Variants in KDM4B observed in about 807,000 individuals in gnomAD.
KDM4B encodes the protein lysine demethylase 4B.
Under a neutral mutation model 125.2 loss-of-function variants are expected in KDM4B, and 32 were observed. The observed-to-expected ratio is 0.26, with a 90% CI of 0.19 to 0.34. The LOEUF is 0.34. KDM4B is among the 10% of genes least tolerant of loss of function. KDM4B has a pLI of 1.00. For synonymous variants in KDM4B, 721 were observed against 677.9 expected, an observed-to-expected ratio of 1.06 and a Z score of -0.99; for missense variants, 1,190 against 1,577.7, an observed-to-expected ratio of 0.75 and a Z score of 4.16.
chr19:5,110,145 T>C (rs1246024240), intron 9 of KDM4B, among the ~76,000 whole-genome samples: 1 of 152,182 alleles, frequency 6.6e-6, no homozygotes, highest in Non-Finnish European at 1.5e-5. Flanking sequence ...GACTCACAAC[T>C]GGGGGATGCC....
chr19:5,106,000 C>G (rs1437128215), intron 9 of KDM4B, among the ~76,000 whole-genome samples: 2 of 152,248 alleles, frequency 1.3e-5, no homozygotes, highest in African/African-American at 4.8e-5. Flanking sequence ...AGTGTTTACT[C>G]CTACAATTGA....
At position 5,144,399 on chromosome 19, in the gene KDM4B, CTGAGAG is replaced by C. The variant is rs1261984299; in HGVS notation, c.2889_2894del (p.Glu964_Ser965del). 1.3e-6 allele frequency: 2 copies of C among 1,547,380 alleles called. No homozygotes were observed. Among genetic ancestry groups the C allele is most frequent in the Non-Finnish European group, 1.8e-6 (2 of 1,140,532 alleles). ...GGCTCCTACAGCGACAACCTGTACC[CTGAGAG>C]CATCACGGTGAGCTGTGGGGTGGGG... is the stretch of plus-strand genomic sequence containing the variant. On this transcript the variant is annotated inframe_deletion, in exon 20 of 23. Transcript: ENST00000159111.
At chr19:5,080,235 T>C (rs1402802870) in intron 8 of KDM4B, among the ~76,000 whole-genome samples, 6 of 152,280 alleles carry the variant, frequency 3.9e-5, no homozygotes, top group Non-Finnish European at 7.3e-5. Context: ...TCAGTTTTGA[T>C]TGATGTCTGA....
intron 1 of KDM4B, among the ~76,000 whole-genome samples, chr19:4,976,892 A>T (rs891278977): frequency 2.6e-5 from 4 of 152,224 alleles, no homozygotes; most frequent in Non-Finnish European, 5.9e-5. Context: ...CTGTCCCAGG[A>T]ACGTTCTGAC....
At position 5,007,532 on chromosome 19, in the gene KDM4B, TTC is replaced by T. The variant is rs1199526908; in HGVS notation, c.-108-8715_-108-8714del. 2.8e-3 allele frequency among the ~76,000 whole-genome samples: 404 copies of T among 145,102 alleles called. 5 individuals are homozygous for T. Among genetic ancestry groups the T allele is most frequent in the African/African-American group, 9.4e-3 (373 of 39,632 alleles). On this transcript the variant is annotated intron_variant, in intron 1 of 22. Coordinates refer to ENST00000159111, the MANE Select transcript of KDM4B (RefSeq NM_015015.3). ...CTGTTTTGTACATTGTCTTTTCACT[TTC>T]TCTCTCTCTTTTTTTTTTTTTTTTT...
chr19:4,999,061 G>A (rs545246944), intron 1 of KDM4B, among the ~76,000 whole-genome samples: 21 of 152,220 alleles, frequency 1.4e-4, no homozygotes, highest in Non-Finnish European at 2.9e-4. Context: ...TAAACACGCC[G>A]TTACTCCTCA....
At chr19:5,051,276 ATCCCCCCTCGAGGGCCCT>A (rs1185921155) in intron 6 of KDM4B, among the ~76,000 whole-genome samples, 1 of 152,228 alleles carries the variant, frequency 6.6e-6, no homozygotes, top group African/African-American at 2.4e-5. Context: ...TGGAGTGGCC[ATCCCCCCTCGAGGGCCCT>A]GGCCCACGCT....
intron 1 of KDM4B, among the ~76,000 whole-genome samples, chr19:4,983,151 T>G (rs1278773863): frequency 7.3e-5 from 11 of 151,336 alleles, no homozygotes; most frequent in African/African-American, 2.2e-4. Context: ...TTTTTTTTTT[T>G]GGGTGCTGTC....
intron 4 of KDM4B, among the ~76,000 whole-genome samples, chr19:5,040,923 G>GGA (rs2036793218): frequency 6.6e-6 from 1 of 152,228 alleles, no homozygotes; most frequent in Non-Finnish European, 1.5e-5. Context: ...GGATAACTGA[G>GGA]GAGGGGTACG....
At position 5,142,362 on chromosome 19, in the gene KDM4B, C is replaced by T. The variant is rs572428677; in HGVS notation, c.2551-1605C>T. Among the ~76,000 whole-genome samples the T allele has an allele frequency of 2.0e-5, 3 of 152,198 alleles. No individual in the cohort carries two copies. The highest frequency in any genetic ancestry group is 6.5e-5 in the Admixed American group (1 of 15,290). ...TGCCCGACCTCCTGTGGCCACAGCG[C>T]GTGGCGTGACTGGACCTCGCCTTAG... On this transcript the variant is annotated intron_variant, in intron 18 of 22. Transcript: ENST00000159111. The surrounding 1 kb of genome is among the most constrained non-coding windows in gnomAD (Gnocchi z 5.4).
intron 1 of KDM4B, among the ~76,000 whole-genome samples, chr19:4,998,942 T>A (rs1338248152): frequency 6.6e-6 from 1 of 152,186 alleles, no homozygotes; most frequent in African/African-American, 2.4e-5. Context: ...TGCTAATTTG[T>A]CCCATTTCTG....
intron 9 of KDM4B, among the ~76,000 whole-genome samples, chr19:5,098,950 A>C (rs1304393313): frequency 1.3e-5 from 2 of 152,248 alleles, no homozygotes; most frequent in African/African-American, 4.8e-5. Flanking sequence ...GGTTCATTCC[A>C]GTCACTTCCT....
At chr19:5,091,898 C>T (rs1201098706) in intron 9 of KDM4B, among the ~76,000 whole-genome samples, 2 of 151,420 alleles carry the variant, frequency 1.3e-5, no homozygotes, top group East Asian at 1.9e-4. Flanking sequence ...TGGGGCTGGA[C>T]GCATCGTGTG....
In KDM4B at chr19:5,082,602, T is replaced by G; in HGVS notation, c.918+98T>G. ...GCCCATAGCTGGTCCAGCAGCCGTT[T>G]CGCTCAGCCCAGGGCCTGGGCTCTC... On this transcript the variant is annotated intron_variant, in intron 9 of 22. Transcript: ENST00000159111. The surrounding 1 kb of genome is among the most constrained non-coding windows in gnomAD (Gnocchi z 5.4). The G allele has an allele frequency of 7.3e-7, 1 of 1,370,580 alleles. No individual in the cohort carries two copies. The highest frequency in any genetic ancestry group is 9.8e-7 in the Non-Finnish European group (1 of 1,021,428). The allele number at this position is 1,370,580 out of a possible 1,614,324, so 84.9% of individuals were successfully genotyped here.
At chr19:5,050,255 G>A (rs181021255) in intron 6 of KDM4B, among the ~76,000 whole-genome samples, 1 of 152,366 alleles carries the variant, frequency 6.6e-6, no homozygotes, top group East Asian at 1.9e-4. Context: ...GACGTGAACA[G>A]CCTGGTGTCA....
chr19:4,995,876 G>A (rs1276619150), intron 1 of KDM4B, among the ~76,000 whole-genome samples: 2 of 152,226 alleles, frequency 1.3e-5, no homozygotes, highest in Non-Finnish European at 2.9e-5. Flanking sequence ...GCTCCTGGTC[G>A]CCGCGGTGTC....
At chr19:5,014,845 A>G (rs1013323882) in intron 1 of KDM4B, among the ~76,000 whole-genome samples, 1 of 152,006 alleles carries the variant, frequency 6.6e-6, no homozygotes, top group African/African-American at 2.4e-5. Context: ...AATACAAAAA[A>G]TTAGCCGGGC....
chr19:5,095,371 A>G (rs1056221930), intron 9 of KDM4B, among the ~76,000 whole-genome samples: 3 of 152,186 alleles, frequency 2.0e-5, no homozygotes, highest in Non-Finnish European at 2.9e-5. Context: ...CTGCCACTCT[A>G]CTGTTTTACA....
intron 6 of KDM4B, among the ~76,000 whole-genome samples, chr19:5,050,575 C>T (rs1244678864): frequency 6.6e-6 from 1 of 152,240 alleles, no homozygotes; most frequent in Non-Finnish European, 1.5e-5. Context: ...ATAGAAGCCA[C>T]TGTCCCAGGC....
Sources: allele counts gnomAD v4.1 joint callset (sites outside exome capture counted in the v4.1 genomes callset), GRCh38; gene constraint gnomAD v4.1.1; non-coding constraint Gnocchi (gnomAD v3.1); transcripts MANE v1.5; gene names NCBI Gene and HGNC (gene_info 2026-07-23, HGNC 2026-07-21).